The following PKNOX2 variants were observed in gnomAD, a reference collection of about 807,000 sequenced individuals.
PKNOX2 encodes PBX/knotted 1 homeobox 2, also known as homeobox protein PKNOX2.
PKNOX2 carries 14 observed loss-of-function variants against 53.1 expected under a neutral mutation model. The ratio of observed to expected loss-of-function variants is 0.26; its 90% CI spans 0.17 to 0.41. The LOEUF (loss-of-function observed/expected upper bound fraction) is 0.41, where lower values mean the gene tolerates loss of function less well. Ranked by LOEUF, PKNOX2 falls within the 10% of genes least tolerant of loss-of-function variation. The pLI, the probability that PKNOX2 is intolerant of heterozygous loss-of-function variation, is 1.00. For missense variants in PKNOX2, 496 were observed against 602.8 expected, an observed-to-expected ratio of 0.82 and a Z score of 1.85; for synonymous variants, 257 against 242.8, an observed-to-expected ratio of 1.06 and a Z score of -0.54.
intron 1 of PKNOX2, among the ~76,000 whole-genome samples, chr11:125,222,721 GTGTGTA>G (rs1433045896): frequency 6.6e-6 from 1 of 150,714 alleles, no homozygotes; most frequent in African/African-American, 2.4e-5. Flanking sequence ...GTGTATGTGT[GTGTGTA>G]TGTGTGTGTG....
chr11:125,224,278 G>C (rs535154837), intron 1 of PKNOX2, among the ~76,000 whole-genome samples: 3 of 152,268 alleles, frequency 2.0e-5, no homozygotes, highest in Non-Finnish European at 4.4e-5. Context: ...TGGCTGGCAG[G>C]TGCCAGGTGG....
chr11:125,398,362 C>T (rs1456433858), intron 7 of PKNOX2, among the ~76,000 whole-genome samples: 1 of 152,182 alleles, frequency 6.6e-6, no homozygotes, highest in African/African-American at 2.4e-5. Flanking sequence ...AGAATGAGCA[C>T]CAGAGCTAAG....
intron 2 of PKNOX2, among the ~76,000 whole-genome samples, chr11:125,237,948 A>G (rs1000366640): frequency 2.6e-5 from 4 of 152,170 alleles, no homozygotes; most frequent in East Asian, 3.8e-4. Context: ...AGAAGCTACA[A>G]GGGTCTGTGC....
In PKNOX2 at chr11:125,369,816, A is replaced by G. The variant is rs1442898099; in HGVS notation, c.227+1831A>G. ...GGGGAGCATAAGGAGGGAAGGGAGT[A>G]GCGTGGCCTCTGAAAACTGCCCGAC... is the stretch of plus-strand genomic sequence containing the variant. On this transcript the variant is annotated intron_variant, in intron 5 of 12. Coordinates refer to ENST00000298282, the MANE Select transcript of PKNOX2 (RefSeq NM_001382323.2). 2.0e-5 allele frequency among the ~76,000 whole-genome samples: 3 copies of G among 152,168 alleles called. No individual in the cohort carries two copies. The East Asian group carries it at 5.8e-4, about 29-fold the overall frequency.
chr11:125,411,962 G>A (rs2135554767), intron 10 of PKNOX2, 97 bp downstream of exon 10: 1 of 1,563,514 alleles, frequency 6.4e-7, no homozygotes, highest in East Asian at 2.3e-5. Flanking sequence ...CAAACCCACA[G>A]ACAGAGGGCG....
chr11:125,183,287 G>A lies in PKNOX2; in HGVS notation c.-201+18511G>A, dbSNP rs1322945559. 1.8e-4 allele frequency among the ~76,000 whole-genome samples: 10 copies of A among 55,898 alleles called. 3 individuals carry two copies. The East Asian group carries it at 5.0e-3, about 28-fold the overall frequency. 36.7% of individuals were successfully genotyped at this position (55,898 alleles called of 152,430 possible). On this transcript the variant is annotated intron_variant, in intron 1 of 12. Coordinates refer to ENST00000298282, the MANE Select transcript of PKNOX2 (RefSeq NM_001382323.2). Reference sequence around the variant, plus strand: ...TGCGGACTGCAGTGGTGCAATCTCGGCTCACTGCAAGCTCCGCTTCCCGGG... The same window carrying A: ...TGCGGACTGCAGTGGTGCAATCTCGACTCACTGCAAGCTCCGCTTCCCGGG...
At chr11:125,223,063 A>T (rs1333345504) in intron 1 of PKNOX2, among the ~76,000 whole-genome samples, 1 of 152,098 alleles carries the variant, frequency 6.6e-6, no homozygotes, top group Admixed American at 6.5e-5. Flanking sequence ...TACCCTGAGG[A>T]TGTTGTAAAT....
At chr11:125,167,028 G>A (rs1191750019) in intron 1 of PKNOX2, among the ~76,000 whole-genome samples, 1 of 152,094 alleles carries the variant, frequency 6.6e-6, no homozygotes, top group Non-Finnish European at 1.5e-5. Context: ...GGAGGCCCCA[G>A]GACCTTGGTG....
At position 125,429,947 on chromosome 11, in the gene PKNOX2, C is replaced by G. The variant is rs1565524782; in HGVS notation, c.1014-16C>G. ...CAGGTGATGACTAACCAGGTCTCCA[C>G]TTTACCTCTGGGCAGGTTCATCAAT... On this transcript the variant is annotated splice_polypyrimidine_tract_variant and intron_variant, in intron 11 of 12. Coordinates refer to ENST00000298282, the MANE Select transcript of PKNOX2 (RefSeq NM_001382323.2). 6.2e-7 allele frequency: 1 copy of G among 1,612,266 alleles called. No homozygotes were observed. Among genetic ancestry groups the G allele is most frequent in the Admixed American group, 1.7e-5 (1 of 59,912 alleles).
chr11:125,227,158 CT>C (rs778676512), intron 1 of PKNOX2, among the ~76,000 whole-genome samples: 13 of 152,128 alleles, frequency 8.5e-5, no homozygotes, highest in Non-Finnish European at 1.8e-4. Flanking sequence ...TTAAGCACCC[CT>C]GATAGCTCTC....
At chr11:125,310,315 T>C (rs1383107725) in intron 2 of PKNOX2, among the ~76,000 whole-genome samples, 1 of 151,892 alleles carries the variant, frequency 6.6e-6, no homozygotes, top group Non-Finnish European at 1.5e-5. Flanking sequence ...AGCAACATGG[T>C]GAAACCACAT....
At chr11:125,279,576 AGCATCTGAGGG>A (rs1342162604) in intron 2 of PKNOX2, among the ~76,000 whole-genome samples, 2 of 152,210 alleles carry the variant, frequency 1.3e-5, no homozygotes, top group Non-Finnish European at 2.9e-5. Context: ...CCGTGGCCCC[AGCATCTGAGGG>A]GCATCTGGTG....
chr11:125,342,533 T>G (rs1950748922), intron 3 of PKNOX2, among the ~76,000 whole-genome samples: 1 of 152,166 alleles, frequency 6.6e-6, no homozygotes, highest in South Asian at 2.1e-4. Flanking sequence ...GCTCTGCGCT[T>G]TTCCACCTGG....
chr11:125,290,561 G>A (rs1947243186), intron 2 of PKNOX2, among the ~76,000 whole-genome samples: 1 of 152,132 alleles, frequency 6.6e-6, no homozygotes, highest in Non-Finnish European at 1.5e-5. Flanking sequence ...GCAGGCCTTG[G>A]GACACCCTTC....
At chr11:125,206,641 G>A (rs111772705) in intron 1 of PKNOX2, among the ~76,000 whole-genome samples, 1,881 of 152,172 alleles carry the variant, frequency 0.012, 31 homozygotes, top group African/African-American at 0.042. Context: ...AGCGAAAAAC[G>A]TCATCTCTTG....
intron 3 of PKNOX2, among the ~76,000 whole-genome samples, chr11:125,345,534 G>A (rs909241106): frequency 6.6e-5 from 10 of 152,118 alleles, no homozygotes; most frequent in African/African-American, 2.4e-4. Flanking sequence ...CCTGGTGCAT[G>A]TGTGTGTTTC....
intron 3 of PKNOX2, among the ~76,000 whole-genome samples, chr11:125,348,245 G>A (rs750377780): frequency 6.6e-6 from 1 of 152,210 alleles, no homozygotes; most frequent in Non-Finnish European, 1.5e-5. Context: ...GGAAGTGCAC[G>A]TGTGGGTGGA....
chr11:125,364,928 C>T (rs567216168), intron 4 of PKNOX2, among the ~76,000 whole-genome samples: 2 of 152,126 alleles, frequency 1.3e-5, no homozygotes, highest in South Asian at 2.1e-4. Context: ...CTGGTCAGTC[C>T]GACTCTGCTT....
chr11:125,351,621 G>A (rs1951329750), intron 4 of PKNOX2, among the ~76,000 whole-genome samples: 1 of 152,188 alleles, frequency 6.6e-6, no homozygotes, highest in Admixed American at 6.5e-5. Context: ...GCTAGGACTG[G>A]AAGCTAGATT....
Sources: gnomAD v4.1 joint callset for allele counts (sites outside exome capture counted in the v4.1 genomes callset) on GRCh38, gnomAD v4.1.1 for gene constraint, MANE v1.5 for transcripts, NCBI Gene and HGNC (gene_info 2026-07-23, HGNC 2026-07-21) for gene names.